KIAA0319: variants seen among roughly 807,000 people sequenced by gnomAD.
The protein encoded by KIAA0319 is dyslexia-associated protein KIAA0319.
Under a neutral mutation model 108.4 loss-of-function variants are expected in KIAA0319, and 83 were observed. That is an observed-to-expected ratio of 0.77 (90% CI 0.64 to 0.92). The LOEUF (loss-of-function observed/expected upper bound fraction) is 0.92, where lower values mean the gene tolerates loss of function less well. Among genes scored for constraint, KIAA0319 ranks in the 40% least tolerant of loss-of-function variants. The probability of loss-of-function intolerance (pLI) is 0.00; values close to 1 mark genes in which losing one functional copy is unlikely to be tolerated. For missense variants in KIAA0319, 1,195 were observed against 1,322.4 expected (o/e 0.90, Z 1.49); for synonymous variants, 484 against 510.4 (o/e 0.95, Z 0.70).
At chr6:24,639,653 G>T (rs570963108) in intron 1 of KIAA0319, among the ~76,000 whole-genome samples, 1 of 152,104 alleles carries the variant, frequency 6.6e-6, no homozygotes, top group African/African-American at 2.4e-5. Flanking sequence ...TTTCAAACCA[G>T]CCTGGCCAAC....
At chr6:24,615,451 C>T (rs1773024276) in intron 1 of KIAA0319, among the ~76,000 whole-genome samples, 1 of 150,900 alleles carries the variant, frequency 6.6e-6, no homozygotes, top group Non-Finnish European at 1.5e-5. Context: ...AAAAAAAATA[C>T]AGAAGAATAT....
At chr6:24,636,148 C>A (rs1776177701) in intron 1 of KIAA0319, among the ~76,000 whole-genome samples, 1 of 152,152 alleles carries the variant, frequency 6.6e-6, no homozygotes, top group African/African-American at 2.4e-5. Flanking sequence ...AACATATATA[C>A]ATGCAACCAC....
chr6:24,600,974 G>T, intron 2 of KIAA0319, 75 bp downstream of exon 2: 1 of 1,584,308 alleles, frequency 6.3e-7, no homozygotes, highest in Non-Finnish European at 8.7e-7. Flanking sequence ...CTTCACCTCA[G>T]GTTGATCTGA....
chr6:24,564,363 G>C (rs1452099720), intron 14 of KIAA0319, 23 bp from the exon 15 acceptor site: 2 of 1,613,656 alleles, frequency 1.2e-6, no homozygotes, highest in Non-Finnish European at 1.7e-6. Flanking sequence ...ACGGATCACA[G>C]GGCAGCTGTC....
intron 1 of KIAA0319, among the ~76,000 whole-genome samples, chr6:24,621,890 G>T (rs185117668): frequency 1.1e-4 from 16 of 152,248 alleles, no homozygotes; most frequent in Non-Finnish European, 2.2e-4. Context: ...ACCGGCCAAG[G>T]CACAATCGTT....
intron 17 of KIAA0319, 78 bp downstream of exon 17, chr6:24,558,935 C>T: frequency 7.4e-7 from 1 of 1,347,610 alleles, no homozygotes; most frequent in Non-Finnish European, 1.0e-6. Context: ...GTTCACATGT[C>T]ACTCCTCTTC....
At chr6:24,589,873 G>GTT (rs147163339) in intron 3 of KIAA0319, among the ~76,000 whole-genome samples, 1 of 43,422 alleles carries the variant, frequency 2.3e-5, no homozygotes, top group East Asian at 7.1e-3. Flanking sequence ...ATGTATAACC[G>GTT]ATAAAGTTAC....
chr6:24,579,404 TATATAAAG>T (rs1281510866), intron 8 of KIAA0319, among the ~76,000 whole-genome samples: 1 of 111,446 alleles, frequency 9.0e-6, no homozygotes, highest in African/African-American at 4.1e-5. Flanking sequence ...GGAGCTCCTC[TATATAAAG>T]ATATATATAT....
intron 9 of KIAA0319, among the ~76,000 whole-genome samples, chr6:24,576,889 C>T (rs770226684): frequency 4.0e-5 from 6 of 151,666 alleles, no homozygotes; most frequent in Admixed American, 1.3e-4. Flanking sequence ...TGCTCCACTG[C>T]GCTGCAGCTC....
At chr6:24,554,500 G>T in intron 19 of KIAA0319, 41 bp downstream of exon 19, 1 of 1,386,580 alleles carries the variant, frequency 7.2e-7, no homozygotes, top group Non-Finnish European at 1.0e-6. Context: ...AACACACTTA[G>T]TGTAGGGTCT....
intron 10 of KIAA0319, among the ~76,000 whole-genome samples, chr6:24,573,584 C>T (rs1221949107): frequency 6.6e-6 from 1 of 152,102 alleles, no homozygotes; most frequent in Non-Finnish European, 1.5e-5. Context: ...ATTTGTGGAA[C>T]AATGCATACA....
chr6:24,599,969 G>A lies in KIAA0319; in HGVS notation c.55+1080C>T, dbSNP rs1770371880. On this transcript the variant is annotated intron_variant, in intron 2 of 20. Coordinates refer to ENST00000378214, the MANE Select transcript of KIAA0319 (RefSeq NM_014809.4). This position sits in a 1 kb window ranked among gnomAD's most constrained non-coding sequence, Gnocchi z 4.1. Reference sequence around the variant, plus strand: ...GTATCCCCCTTTGCCCATGCCTCCAGCTACAAAACAATTCAATTGGTTTTT... The same window carrying A: ...GTATCCCCCTTTGCCCATGCCTCCAACTACAAAACAATTCAATTGGTTTTT... Among the ~76,000 whole-genome samples the A allele has an allele frequency of 6.6e-6, 1 of 151,672 alleles. No individual in the cohort carries two copies. The highest frequency in any genetic ancestry group is 1.5e-5 in the Non-Finnish European group (1 of 67,988).
At chr6:24,622,569 A>G (rs1481657192) in intron 1 of KIAA0319, among the ~76,000 whole-genome samples, 2 of 152,240 alleles carry the variant, frequency 1.3e-5, no homozygotes, top group Non-Finnish European at 2.9e-5. Flanking sequence ...TTAAAACCTC[A>G]GTGAACAAGT....
At chr6:24,598,789 T>C (rs576204412) in intron 2 of KIAA0319, 3 of 254,102 alleles carry the variant, frequency 1.2e-5, no homozygotes, top group African/African-American at 6.7e-5. Context: ...GGCAGGAGAA[T>C]TCCTTGAACC....
At position 24,630,710 on chromosome 6, in the gene KIAA0319, T is replaced by TATATATATATATACAC. The variant is rs373537245; in HGVS notation, c.-106+15025_-106+15026insGTGTATATATATATAT. Among the ~76,000 whole-genome samples the TATATATATATATACAC allele has an allele frequency of 1.2e-3, 165 of 138,642 alleles. 1 individual carries two copies. Among genetic ancestry groups the TATATATATATATACAC allele is most frequent in the African/African-American group, 4.7e-3 (156 of 33,066 alleles). 91.0% of individuals were successfully genotyped at this position (138,642 alleles called of 152,430 possible). A position where few individuals can be genotyped will look rare whatever the true frequency, so the allele number is the denominator to read the frequency against. ...ATATATATATATATATATACACATA[T>TATATATATATATACAC]ACACACAAACTTTAGTACAGCTATC... On this transcript the variant is annotated intron_variant, in intron 1 of 20. Transcript: ENST00000378214.
At chr6:24,552,932 C>A (rs1227388427) in intron 19 of KIAA0319, among the ~76,000 whole-genome samples, 2 of 152,028 alleles carry the variant, frequency 1.3e-5, no homozygotes, top group Non-Finnish European at 2.9e-5. Flanking sequence ...AAAAATCACA[C>A]CTTTGGAGAG....
intron 13 of KIAA0319, among the ~76,000 whole-genome samples, chr6:24,568,286 T>C: frequency 6.6e-6 from 1 of 152,214 alleles, no homozygotes; most frequent in East Asian, 1.9e-4. Flanking sequence ...TCTAGCACTC[T>C]GCTATACTGA....
intron 16 of KIAA0319, among the ~76,000 whole-genome samples, chr6:24,559,387 G>A (rs1390073423): frequency 6.6e-6 from 1 of 152,210 alleles, no homozygotes; most frequent in Non-Finnish European, 1.5e-5. Context: ...GATAAAAGAA[G>A]CAATGTGTAA....
At chr6:24,606,064 A>T (rs1029470342) in intron 1 of KIAA0319, among the ~76,000 whole-genome samples, 1 of 151,946 alleles carries the variant, frequency 6.6e-6, no homozygotes, top group Non-Finnish European at 1.5e-5. Context: ...CCTCCCAAGT[A>T]GCTGGGACGA....
Sources: allele counts gnomAD v4.1 joint callset (sites outside exome capture counted in the v4.1 genomes callset), GRCh38; gene constraint gnomAD v4.1.1; non-coding constraint Gnocchi (gnomAD v3.1); transcripts MANE v1.5; gene names NCBI Gene and HGNC (gene_info 2026-07-23, HGNC 2026-07-21).